Variants in SPAG16 observed in about 807,000 individuals in gnomAD.
The protein encoded by SPAG16 is sperm associated antigen 16, also known as sperm-associated antigen 16 protein.
SPAG16 carries 86 observed loss-of-function variants against 80.4 expected under a neutral mutation model. The observed-to-expected ratio is 1.07, with a 90% CI of 0.90 to 1.28. The LOEUF is 1.28. SPAG16 is among the 50% of genes most tolerant of loss of function. The probability of loss-of-function intolerance (pLI) is 0.00; values close to 1 mark genes in which losing one functional copy is unlikely to be tolerated. For synonymous variants in SPAG16, 294 were observed against 265.9 expected, an observed-to-expected ratio of 1.11 and a Z score of -1.03; for missense variants, 870 against 765.3, an observed-to-expected ratio of 1.14 and a Z score of -1.61.
At chr2:214,163,020 A>C (rs563090285) in intron 15 of SPAG16, among the ~76,000 whole-genome samples, 5 of 152,120 alleles carry the variant, frequency 3.3e-5, no homozygotes, top group African/African-American at 4.8e-5. Context: ...CAAATAATTT[A>C]TACAATTTAT....
At chr2:214,197,063 G>T (rs555839174) in intron 15 of SPAG16, among the ~76,000 whole-genome samples, 32 of 152,052 alleles carry the variant, frequency 2.1e-4, no homozygotes, top group African/African-American at 7.2e-4. Flanking sequence ...CAGAAGACAG[G>T]TACACCTGCC....
At chr2:213,849,832 C>G (rs1275181232) in intron 10 of SPAG16, among the ~76,000 whole-genome samples, 1 of 152,100 alleles carries the variant, frequency 6.6e-6, no homozygotes. Flanking sequence ...ACATTCATAA[C>G]AACACAAAAT....
At chr2:213,752,178 C>T (rs1474063934) in intron 10 of SPAG16, among the ~76,000 whole-genome samples, 4 of 152,124 alleles carry the variant, frequency 2.6e-5, no homozygotes, top group South Asian at 4.1e-4. Context: ...AGACATATTC[C>T]GTTGATTTTT....
intron 11 of SPAG16, among the ~76,000 whole-genome samples, chr2:213,886,594 G>A (rs1354839979): frequency 6.6e-6 from 1 of 152,068 alleles, no homozygotes; most frequent in African/African-American, 2.4e-5. Flanking sequence ...GAGATGCAGT[G>A]ACGAAAGGAT....
intron 11 of SPAG16, among the ~76,000 whole-genome samples, chr2:213,900,273 T>C (rs950835436): frequency 6.6e-6 from 1 of 152,122 alleles, no homozygotes; most frequent in Non-Finnish European, 1.5e-5. Flanking sequence ...CGTGTCTCCA[T>C]TTGTTACAAG....
intron 10 of SPAG16, among the ~76,000 whole-genome samples, chr2:213,709,133 T>C (rs868247945): frequency 6.6e-6 from 1 of 152,184 alleles, no homozygotes; most frequent in Non-Finnish European, 1.5e-5. Flanking sequence ...ACCATTGGCA[T>C]TGAACAAAAT....
At position 213,368,915 on chromosome 2, in the gene SPAG16, G is replaced by A. The variant is rs550882505; in HGVS notation, c.832+4770G>A. Among the ~76,000 whole-genome samples, 256 of 152,258 alleles carry A rather than the reference G, an allele frequency of 1.7e-3. 1 individual carries two copies. Among genetic ancestry groups the A allele is most frequent in the African/African-American group, 5.8e-3 (241 of 41,534 alleles). On this transcript the variant is annotated intron_variant, in intron 8 of 15. Transcript: ENST00000331683. Reference sequence around the variant, plus strand: ...ACCACTGCTCAATGAAGTAAAAGAGGACACAAACAAATGGAAGAACATTCC... The same window carrying A: ...ACCACTGCTCAATGAAGTAAAAGAGAACACAAACAAATGGAAGAACATTCC...
At chr2:213,864,634 T>C (rs757039242) in intron 11 of SPAG16, among the ~76,000 whole-genome samples, 1 of 152,126 alleles carries the variant, frequency 6.6e-6, no homozygotes, top group Non-Finnish European at 1.5e-5. Context: ...TAACATTTCC[T>C]TTATTTTTAA....
intron 10 of SPAG16, among the ~76,000 whole-genome samples, chr2:213,713,714 T>C (rs151316667): frequency 6.2e-4 from 94 of 152,240 alleles, no homozygotes; most frequent in African/African-American, 2.2e-3. Flanking sequence ...TGACTTCCTG[T>C]TTTATCTATT....
chr2:214,146,843 A>C (rs1057257164), intron 14 of SPAG16, among the ~76,000 whole-genome samples: 9 of 152,158 alleles, frequency 5.9e-5, no homozygotes, highest in African/African-American at 9.6e-5. Context: ...TACTAAAAAT[A>C]CAAAAAATTA....
rs190026837 is a variant in SPAG16 at position 213,556,484 on chromosome 2, A to T, written c.1070+66394A>T. Among the ~76,000 whole-genome samples the T allele has an allele frequency of 7.2e-5, 11 of 152,216 alleles. 1 individual carries two copies. The highest frequency in any genetic ancestry group is 2.6e-4 in the African/African-American group (11 of 41,562). On this transcript the variant is annotated intron_variant, in intron 10 of 15. Coordinates refer to ENST00000331683, the MANE Select transcript of SPAG16 (RefSeq NM_024532.5). ...TCAGATACAGTAGATCTTAAGTCAA[A>T]AACTACAAAAAGAGAAAAAGAATAT...
At chr2:214,196,137 C>T (rs533094634) in intron 15 of SPAG16, among the ~76,000 whole-genome samples, 1 of 152,098 alleles carries the variant, frequency 6.6e-6, no homozygotes, top group South Asian at 2.1e-4. Flanking sequence ...ATGTCATAAC[C>T]ATCAGTATTG....
chr2:213,716,202 AT>A (rs1206260719), intron 10 of SPAG16, among the ~76,000 whole-genome samples: 3 of 152,148 alleles, frequency 2.0e-5, no homozygotes, highest in African/African-American at 7.2e-5. Flanking sequence ...TAAATTGAAG[AT>A]GCAATACAGT....
At chr2:214,128,881 T>A (rs116549919) in intron 14 of SPAG16, among the ~76,000 whole-genome samples, 82 of 151,930 alleles carry the variant, frequency 5.4e-4, no homozygotes, top group Non-Finnish European at 1.1e-3. Context: ...AAAGAAGCAG[T>A]GCTCAAACTA....
rs560627397 is a variant in SPAG16 at position 213,323,389 on chromosome 2, C to T, written c.536+6033C>T. ...CCAGGAGGCGGAGCTTGCAGTGAGCCGAGATCATGCCACTGCACTCCAGCC... is the reference window on the plus strand; with the variant it reads ...CCAGGAGGCGGAGCTTGCAGTGAGCTGAGATCATGCCACTGCACTCCAGCC... On this transcript the variant is annotated intron_variant, in intron 5 of 15. Coordinates refer to ENST00000331683, the MANE Select transcript of SPAG16 (RefSeq NM_024532.5). Among the ~76,000 whole-genome samples the T allele has an allele frequency of 4.6e-5, 7 of 151,962 alleles. No homozygotes were observed. The East Asian group carries it at 9.7e-4, about 21-fold the overall frequency.
At chr2:213,365,612 C>A (rs977041828) in intron 8 of SPAG16, among the ~76,000 whole-genome samples, 3 of 151,008 alleles carry the variant, frequency 2.0e-5, no homozygotes, top group Admixed American at 6.6e-5. Context: ...CATGTGCCAC[C>A]ATGACTGGCT....
intron 9 of SPAG16, among the ~76,000 whole-genome samples, chr2:213,399,041 A>G (rs1403330992): frequency 2.0e-5 from 3 of 152,038 alleles, no homozygotes; most frequent in African/African-American, 4.8e-5. Context: ...CTTTTTGGGA[A>G]TTTTCTTTGT....
intron 10 of SPAG16, among the ~76,000 whole-genome samples, chr2:213,681,965 C>T (rs192945546): frequency 9.2e-5 from 14 of 152,296 alleles, no homozygotes; most frequent in East Asian, 7.7e-4. Flanking sequence ...GGCTCCTTTC[C>T]CTTCAGCGTG....
intron 11 of SPAG16, among the ~76,000 whole-genome samples, chr2:213,927,897 A>T (rs1044130022): frequency 2.0e-5 from 3 of 152,186 alleles, no homozygotes; most frequent in African/African-American, 7.2e-5. Flanking sequence ...TAATTTTTAA[A>T]TTTTTTTACA....
Sources: allele counts gnomAD v4.1 joint callset (sites outside exome capture counted in the v4.1 genomes callset), GRCh38; gene constraint gnomAD v4.1.1; transcripts MANE v1.5; gene names NCBI Gene and HGNC (gene_info 2026-07-23, HGNC 2026-07-21).